The following FHAD1 variants were observed in gnomAD, a reference collection of about 807,000 sequenced individuals.
The protein encoded by FHAD1 is forkhead-associated domain-containing protein 1.
Under a neutral mutation model 191.3 loss-of-function variants are expected in FHAD1, and 146 were observed. The observed-to-expected ratio is 0.76, with a 90% CI of 0.67 to 0.88. The LOEUF is 0.88. Ranked by LOEUF, FHAD1 falls within the 40% of genes least tolerant of loss-of-function variation. The probability of loss-of-function intolerance (pLI) is 0.00; values close to 1 mark genes in which losing one functional copy is unlikely to be tolerated. For missense variants in FHAD1, 1,635 were observed against 1,785.8 expected (o/e 0.92, Z 1.52); for synonymous variants, 616 against 672.3 (o/e 0.92, Z 1.29).
intron 19 of FHAD1, among the ~76,000 whole-genome samples, chr1:15,351,698 G>C (rs2102470312): frequency 6.6e-6 from 1 of 151,620 alleles, no homozygotes; most frequent in Admixed American, 6.6e-5. Context: ...CTCACCACGG[G>C]GCATGCAGAA....
chr1:15,294,246 T>A (rs1194841962), intron 4 of FHAD1, among the ~76,000 whole-genome samples: 1 of 152,224 alleles, frequency 6.6e-6, no homozygotes, highest in Non-Finnish European at 1.5e-5. Context: ...TCAAACAAAA[T>A]GGTTTTGCCT....
At chr1:15,368,238 T>A (rs1697087269) in intron 25 of FHAD1, among the ~76,000 whole-genome samples, 1 of 152,056 alleles carries the variant, frequency 6.6e-6, no homozygotes, top group Non-Finnish European at 1.5e-5. Context: ...CCTCCCAAAG[T>A]GCTGGGATTA....
rs1679387523 is a variant in FHAD1, at chr1:15,327,841, C to T, written c.1558-436C>T. ...CTCAGGTCGGGAGTTCGAAACCAGC[C>T]TGACCAACATGGTAAAACCCCATCT... is the stretch of plus-strand genomic sequence containing the variant. On this transcript the variant is annotated intron_variant, in intron 12 of 33. Transcript: ENST00000688493. This position sits in a 1 kb window ranked among gnomAD's most constrained non-coding sequence, Gnocchi z 5.1. The T allele has an allele frequency of 6.6e-6, 1 of 152,370 alleles. No homozygotes were observed. The highest frequency in any genetic ancestry group is 6.5e-5 in the Admixed American group (1 of 15,280). The allele number at this position is 152,370 out of a possible 1,614,324, so 9.4% of individuals were successfully genotyped here. A position where few individuals can be genotyped will look rare whatever the true frequency, so the allele number is the denominator to read the frequency against.
chr1:15,280,281 G>A (rs928072987), intron 3 of FHAD1, among the ~76,000 whole-genome samples: 1 of 152,190 alleles, frequency 6.6e-6, no homozygotes, highest in African/African-American at 2.4e-5. Flanking sequence ...CTCCCATCCC[G>A]ATCGTGTAGT....
intron 1 of FHAD1, among the ~76,000 whole-genome samples, chr1:15,238,284 A>G (rs966078073): frequency 8.7e-5 from 13 of 149,192 alleles, no homozygotes; most frequent in Non-Finnish European, 1.6e-4. Flanking sequence ...CACTGTTGAA[A>G]TGAGAAGAGA....
chr1:15,262,021 G>A (rs947977832), intron 2 of FHAD1, among the ~76,000 whole-genome samples: 5 of 150,280 alleles, frequency 3.3e-5, no homozygotes, highest in South Asian at 2.1e-4. Flanking sequence ...TAGCACACAC[G>A]CACACACACA....
At position 15,289,362 on chromosome 1, in the gene FHAD1, G is replaced by A. The variant is rs746115883; in HGVS notation, c.301-37G>A. On this transcript the variant is annotated intron_variant, in intron 3 of 33. Coordinates refer to ENST00000688493, the MANE Select transcript of FHAD1 (RefSeq NM_001391957.1). This position sits in a 1 kb window ranked among gnomAD's most constrained non-coding sequence, Gnocchi z 4.2. ...CAAAGAAATGGAGACCATCCCAGCC[G>A]GTCATAACCTCCCCTGACCCTTGTC... The A allele has an allele frequency of 8.6e-5, 133 of 1,537,642 alleles. No homozygotes were observed. The highest frequency in any genetic ancestry group is 1.1e-4 in the Non-Finnish European group (124 of 1,137,868).
At chr1:15,307,255 A>G (rs1464218783) in intron 6 of FHAD1, among the ~76,000 whole-genome samples, 2 of 152,142 alleles carry the variant, frequency 1.3e-5, no homozygotes, top group African/African-American at 4.8e-5. Context: ...GTATTTACCC[A>G]ATACCTGTAC....
At chr1:15,300,916 G>A (rs1668509383) in intron 5 of FHAD1, among the ~76,000 whole-genome samples, 1 of 152,142 alleles carries the variant, frequency 6.6e-6, no homozygotes, top group Non-Finnish European at 1.5e-5. Flanking sequence ...TGCAACCTCT[G>A]CCTCCCGGGT....
chr1:15,330,513 T>G (rs984425203), intron 14 of FHAD1, among the ~76,000 whole-genome samples: 1 of 152,124 alleles, frequency 6.6e-6, no homozygotes, highest in African/African-American at 2.4e-5. Flanking sequence ...CTCCAAGAGC[T>G]TATGGTCTCA....
At chr1:15,272,643 T>C in intron 3 of FHAD1, 114 bp downstream of exon 3, 4 of 931,090 alleles carry the variant, frequency 4.3e-6, no homozygotes, top group Non-Finnish European at 6.5e-6. Context: ...GATCGCACGC[T>C]GCACACAGGC....
intron 2 of FHAD1, among the ~76,000 whole-genome samples, chr1:15,262,697 T>C (rs1267334839): frequency 6.6e-6 from 1 of 152,268 alleles, no homozygotes; most frequent in Middle Eastern, 3.2e-3. Context: ...ATCTTTTGTC[T>C]GTCCATGGAC....
chr1:15,329,479 G>A lies in FHAD1; in HGVS notation c.1844G>A (p.Trp615Ter). The change falls in exon 14 of 34, where the codon TGG (tryptophan) becomes TAG (stop). Residue 615 changes from tryptophan to a stop codon, truncating the protein, a stop_gained. Coordinates refer to ENST00000688493, the MANE Select transcript of FHAD1 (RefSeq NM_001391957.1). LOFTEE classifies it high-confidence loss of function. This position sits in a 1 kb window ranked among gnomAD's most constrained non-coding sequence, Gnocchi z 5.0. ...VLDVLRHALS[W>*]LEEVEQLLRD... ...GACGTCCTGAGGCACGCGCTGTCCT[G>A]GCTGGAGGAGGTGGAGCAGCTCCTC... 6.4e-7 allele frequency: 1 copy of A among 1,551,172 alleles called. No individual in the cohort carries two copies. Among genetic ancestry groups the A allele is most frequent in the Non-Finnish European group, 8.7e-7 (1 of 1,146,980 alleles).
At chr1:15,386,849 C>CTTTTTTTTTT (rs59453670) in intron 31 of FHAD1, among the ~76,000 whole-genome samples, 7 of 144,258 alleles carry the variant, frequency 4.9e-5, no homozygotes, top group African/African-American at 1.3e-4. Context: ...TCCTTTCTTT[C>CTTTTTTTTTT]TTTTTTTTTT....
At chr1:15,285,725 A>G (rs982269232) in intron 3 of FHAD1, among the ~76,000 whole-genome samples, 4 of 152,178 alleles carry the variant, frequency 2.6e-5, no homozygotes, top group African/African-American at 9.7e-5. Flanking sequence ...GCAGGGTGCA[A>G]CGCGAGCCAG....
rs141791448 is a variant in FHAD1 at position 15,398,127 on chromosome 1, TA to T, written c.*729del. 0.14 allele frequency: 19,324 copies of T among 137,788 alleles called. 1,250 individuals are homozygous for T. The highest frequency in any genetic ancestry group is 0.21 in the Middle Eastern group (58 of 272). 8.5% of individuals were successfully genotyped at this position (137,788 alleles called of 1,614,324 possible). On this transcript the variant is annotated 3_prime_UTR_variant, in exon 34 of 34. Coordinates refer to ENST00000688493, the MANE Select transcript of FHAD1 (RefSeq NM_001391957.1). The stretch of plus-strand genomic sequence containing the variant: ...GCCTAACAGAGTGAGACTCTGTCTT[TA>T]AAAAAAAAAAAAAATGGCTGGGCCT...
At chr1:15,321,931 G>A (rs1676448349) in intron 10 of FHAD1, among the ~76,000 whole-genome samples, 1 of 152,208 alleles carries the variant, frequency 6.6e-6, no homozygotes, top group Non-Finnish European at 1.5e-5. Context: ...TTTTCTTTCA[G>A]CACATTACAG....
intron 18 of FHAD1, among the ~76,000 whole-genome samples, chr1:15,346,110 C>T (rs1013222218): frequency 4.6e-5 from 7 of 152,246 alleles, no homozygotes; most frequent in African/African-American, 9.6e-5. Flanking sequence ...AAAACAGGGG[C>T]GCCCGCACCC....
At chr1:15,369,180 T>C (rs1222904435) in intron 25 of FHAD1, among the ~76,000 whole-genome samples, 190 bp from the exon 26 acceptor site, 1 of 152,156 alleles carries the variant, frequency 6.6e-6, no homozygotes, top group Non-Finnish European at 1.5e-5. Context: ...AGGGCAGGTG[T>C]TCCCTGCCCT....
Sources: allele counts gnomAD v4.1 joint callset (sites outside exome capture counted in the v4.1 genomes callset), GRCh38; gene constraint gnomAD v4.1.1; non-coding constraint Gnocchi (gnomAD v3.1); transcripts MANE v1.5; gene names NCBI Gene and HGNC (gene_info 2026-07-23, HGNC 2026-07-21).